The following CACNA2D3 variants were observed in gnomAD, a reference collection of about 807,000 sequenced individuals.
The protein encoded by CACNA2D3 is voltage-dependent calcium channel subunit alpha-2/delta-3.
Under a neutral mutation model 160.6 loss-of-function variants are expected in CACNA2D3, and 60 were observed. The ratio of observed to expected loss-of-function variants is 0.37; its 90% CI spans 0.30 to 0.46. The LOEUF (loss-of-function observed/expected upper bound fraction) is 0.46. CACNA2D3 is among the 20% of genes least tolerant of loss of function. The pLI, the probability that CACNA2D3 is intolerant of heterozygous loss-of-function variation, is 1.00. For synonymous variants in CACNA2D3, 558 were observed against 492.9 expected (o/e 1.13, Z -1.75); for missense variants, 1,205 against 1,365.0 (o/e 0.88, Z 1.85).
chr3:54,497,584 T>G (rs1701221413), intron 4 of CACNA2D3, among the ~76,000 whole-genome samples: 1 of 152,032 alleles, frequency 6.6e-6, no homozygotes, highest in South Asian at 2.1e-4. Flanking sequence ...TTTCAATACC[T>G]ATGGCTTTTG....
At chr3:54,897,774 A>G (rs1435524897) in intron 26 of CACNA2D3, among the ~76,000 whole-genome samples, 2 of 152,174 alleles carry the variant, frequency 1.3e-5, no homozygotes, top group African/African-American at 2.4e-5. Context: ...GACTGAAAAT[A>G]TTTTCAGAAA....
rs188781585 is a variant in CACNA2D3, at chr3:54,293,651, C to T, written c.205-26791C>T. ...AACAAGCTAGAGGCATACACAACAC[C>T]CACAGATGAATCGCGAATGCATCAT... On this transcript the variant is annotated intron_variant, in intron 2 of 37. Transcript: ENST00000474759. Among the ~76,000 whole-genome samples, 1,155 of 151,830 alleles carry T rather than the reference C, an allele frequency of 7.6e-3. 3 individuals carry two copies. The highest frequency in any genetic ancestry group is 0.011 in the Non-Finnish European group (764 of 67,934).
chr3:54,940,640 T>G (rs1355320941), intron 27 of CACNA2D3, among the ~76,000 whole-genome samples: 1 of 152,066 alleles, frequency 6.6e-6, no homozygotes, highest in African/African-American at 2.4e-5. Flanking sequence ...ACATCACTAG[T>G]TTTCTGGGTG....
intron 27 of CACNA2D3, among the ~76,000 whole-genome samples, chr3:54,929,647 A>G (rs1293905773): frequency 6.6e-6 from 1 of 152,128 alleles, no homozygotes; most frequent in Admixed American, 6.5e-5. Flanking sequence ...TTTTTTGAGC[A>G]TCACACATAC....
At chr3:54,221,906 T>C (rs1701581009) in intron 2 of CACNA2D3, among the ~76,000 whole-genome samples, 1 of 152,098 alleles carries the variant, frequency 6.6e-6, no homozygotes, top group South Asian at 2.1e-4. Context: ...TGGAGTGCAG[T>C]GGTGCAATCA....
chr3:54,705,596 G>A (rs2106954680), intron 11 of CACNA2D3, among the ~76,000 whole-genome samples: 1 of 152,224 alleles, frequency 6.6e-6, no homozygotes. Flanking sequence ...TTCTTATTGA[G>A]GTTCAATATT....
chr3:54,332,953 C>A (rs994904953), intron 3 of CACNA2D3, among the ~76,000 whole-genome samples: 1 of 152,100 alleles, frequency 6.6e-6, no homozygotes, highest in Admixed American at 6.5e-5. Flanking sequence ...GAGTCCTGGC[C>A]GTGCCACCCA....
chr3:54,838,787 C>A, intron 16 of CACNA2D3, 139 bp downstream of exon 16: 1 of 664,036 alleles, frequency 1.5e-6, no homozygotes, highest in Non-Finnish European at 2.7e-6. Context: ...TGTCTTTATA[C>A]CATCTGCACA....
intron 2 of CACNA2D3, among the ~76,000 whole-genome samples, chr3:54,180,156 T>C (rs1182154829): frequency 6.9e-6 from 1 of 145,264 alleles, no homozygotes; most frequent in Non-Finnish European, 1.5e-5. Flanking sequence ...CTTCCAGAAA[T>C]GTGAGTGTAA....
chr3:54,161,741 C>A (rs988954650), intron 2 of CACNA2D3, among the ~76,000 whole-genome samples: 1 of 152,176 alleles, frequency 6.6e-6, no homozygotes, highest in Non-Finnish European at 1.5e-5. Flanking sequence ...CTTAGGTTGC[C>A]ATCCTCTTTC....
chr3:54,265,803 T>C (rs1702504124), intron 2 of CACNA2D3, among the ~76,000 whole-genome samples: 1 of 150,254 alleles, frequency 6.7e-6, no homozygotes, highest in Admixed American at 6.7e-5. Context: ...GGAAACAAAG[T>C]ATATCTTTTT....
chr3:54,803,815 A>G (rs912402797), intron 13 of CACNA2D3, among the ~76,000 whole-genome samples: 2 of 152,200 alleles, frequency 1.3e-5, no homozygotes, highest in South Asian at 4.1e-4. Context: ...GAAAGGTCGG[A>G]TTACCCACAA....
chr3:54,786,191 G>T (rs1024844973), intron 13 of CACNA2D3, among the ~76,000 whole-genome samples: 1 of 152,104 alleles, frequency 6.6e-6, no homozygotes, highest in African/African-American at 2.4e-5. Context: ...TATTGCTTGG[G>T]CTATTTTTAA....
intron 4 of CACNA2D3, among the ~76,000 whole-genome samples, chr3:54,393,411 G>C (rs1189344726): frequency 1.3e-5 from 2 of 152,174 alleles, no homozygotes; most frequent in Non-Finnish European, 2.9e-5. Context: ...TGGAGTGTGT[G>C]TCTGGCTCTG....
At chr3:54,591,393 C>T (rs1156870254) in intron 9 of CACNA2D3, among the ~76,000 whole-genome samples, 1 of 152,086 alleles carries the variant, frequency 6.6e-6, no homozygotes, top group Non-Finnish European at 1.5e-5. Context: ...GTTCAGGTGC[C>T]TATACCTGTG....
At chr3:55,002,281 G>A (rs1156819460) in intron 31 of CACNA2D3, among the ~76,000 whole-genome samples, 1 of 152,138 alleles carries the variant, frequency 6.6e-6, no homozygotes, top group East Asian at 1.9e-4. Context: ...ACCCCATGCT[G>A]CCTCTCACCT....
intron 4 of CACNA2D3, among the ~76,000 whole-genome samples, chr3:54,443,003 T>A (rs1271871288): frequency 6.6e-6 from 1 of 152,196 alleles, no homozygotes; most frequent in Non-Finnish European, 1.5e-5. Flanking sequence ...GCCTTGTCTG[T>A]AGAAATGGCT....
At chr3:54,476,640 C>T (rs1379347628) in intron 4 of CACNA2D3, among the ~76,000 whole-genome samples, 1 of 152,078 alleles carries the variant, frequency 6.6e-6, no homozygotes, top group Non-Finnish European at 1.5e-5. Flanking sequence ...TTTTGATTTG[C>T]ATTTCCCTGG....
chr3:54,411,885 ATGAG>A (rs1161545345), intron 4 of CACNA2D3, among the ~76,000 whole-genome samples: 1 of 152,162 alleles, frequency 6.6e-6, no homozygotes, highest in African/African-American at 2.4e-5. Context: ...TACACTTGTG[ATGAG>A]TGTTATTTTT....
Sources: gnomAD v4.1 joint callset for allele counts (sites outside exome capture counted in the v4.1 genomes callset) on GRCh38, gnomAD v4.1.1 for gene constraint, MANE v1.5 for transcripts, NCBI Gene and HGNC (gene_info 2026-07-23, HGNC 2026-07-21) for gene names.